Variants in PHF5A observed in about 807,000 individuals in gnomAD.
The protein encoded by PHF5A is PHD finger protein 5A.
For missense variants in PHF5A, 24 were observed against 140.6 expected (o/e 0.17, Z 4.19); for synonymous variants, 52 against 46.0 (o/e 1.13, Z -0.52).
In PHF5A at chr22:41,459,742, TTAATA is replaced by T. The variant is rs1342976246; in HGVS notation, c.*651_*655del. The T allele has an allele frequency of 6.6e-6, 1 of 151,994 alleles. No individual in the cohort carries two copies. The highest frequency in any genetic ancestry group is 1.5e-5 in the Non-Finnish European group (1 of 68,008). The allele number at this position is 151,994 out of a possible 1,614,324, so 9.4% of individuals were successfully genotyped here. On this transcript the variant is annotated 3_prime_UTR_variant, in exon 4 of 4. Coordinates refer to ENST00000216252, the MANE Select transcript of PHF5A (RefSeq NM_032758.4). ...TACCAGAAAATAAACACCAACTTTA[TTAATA>T]TAATAGCAACAGAAAGAGTTTCCAA...
At chr22:41,463,495 A>T (rs1212107058) in intron 3 of PHF5A, among the ~76,000 whole-genome samples, 2 of 151,906 alleles carry the variant, frequency 1.3e-5, no homozygotes, top group African/African-American at 4.8e-5. Context: ...TGGGAGGCCA[A>T]GGTGGGTGGA....
intron 1 of PHF5A, 29 bp from the exon 2 acceptor site, chr22:41,468,176 A>G: frequency 6.2e-7 from 1 of 1,613,092 alleles, no homozygotes; most frequent in Non-Finnish European, 8.5e-7. Context: ...TAAAAAGTAC[A>G]ATTAGAATAA....
At chr22:41,463,894 CAA>C (rs968281024) in intron 3 of PHF5A, among the ~76,000 whole-genome samples, 29 of 144,278 alleles carry the variant, frequency 2.0e-4, no homozygotes, top group Admixed American at 8.3e-4. Flanking sequence ...AACTGCGTCT[CAA>C]AAAAAAAAAG....
At chr22:41,460,948 G>A (rs1326922415) in intron 3 of PHF5A, among the ~76,000 whole-genome samples, 1 of 152,112 alleles carries the variant, frequency 6.6e-6, no homozygotes, top group Admixed American at 6.6e-5. Flanking sequence ...CGAGGCAGGT[G>A]GATCACCTGA....
intron 3 of PHF5A, among the ~76,000 whole-genome samples, chr22:41,461,793 G>C (rs1187422114): frequency 6.6e-6 from 1 of 152,104 alleles, no homozygotes; most frequent in Non-Finnish European, 1.5e-5. Context: ...CTCCCGAGTA[G>C]TGGGGAGTAC....
intron 1 of PHF5A, 160 bp downstream of exon 1, chr22:41,468,442 A>G (rs1407901100): frequency 1.4e-5 from 10 of 729,602 alleles, no homozygotes; most frequent in East Asian, 3.3e-5. Flanking sequence ...TCTTCTCATC[A>G]GAGGCCACAA....
chr22:41,461,809 C>A (rs1324079904), intron 3 of PHF5A, among the ~76,000 whole-genome samples: 5 of 152,032 alleles, frequency 3.3e-5, no homozygotes, highest in Non-Finnish European at 7.4e-5. Context: ...AGTACATGCA[C>A]CCGCGACCAT....
rs769301239 is a variant in PHF5A, at chr22:41,460,458, C to A, written c.273G>T (p.Leu91=). 4 of 1,600,262 alleles carry A rather than the reference C, an allele frequency of 2.5e-6. No individual in the cohort carries two copies. Residue 91 remains leucine, a synonymous_variant, in exon 4 of 4, where the codon CTG becomes CTT. Coordinates refer to ENST00000216252, the MANE Select transcript of PHF5A (RefSeq NM_032758.4). The stretch of plus-strand genomic sequence containing the variant: ...AGAAGAGGTCTGTCTTAGAGCTCCC[C>A]AGATTGACAATCTTTGGGCAGCCAT... ...DRDGCPKIVN[L]GSSKTDLFYE...
intron 3 of PHF5A, among the ~76,000 whole-genome samples, chr22:41,466,817 CCT>C (rs1912852458): frequency 1.3e-5 from 2 of 151,828 alleles, no homozygotes; most frequent in African/African-American, 2.4e-5. Flanking sequence ...AAAACAAGAC[CCT>C]GTCTCTACAA....
intron 3 of PHF5A, 23 bp downstream of exon 3, chr22:41,467,425 C>A (rs748960479): frequency 1.9e-6 from 3 of 1,611,158 alleles, no homozygotes; most frequent in Admixed American, 3.3e-5. Flanking sequence ...GAGGAAAGGT[C>A]AGATGGAAAG....
intron 3 of PHF5A, 110 bp downstream of exon 3, chr22:41,467,338 A>G: frequency 9.5e-7 from 1 of 1,054,432 alleles, no homozygotes; most frequent in Non-Finnish European, 1.4e-6. Flanking sequence ...ATTATAACCT[A>G]GATGACTAGA....
At chr22:41,461,616 C>T (rs1425589371) in intron 3 of PHF5A, among the ~76,000 whole-genome samples, 2 of 151,962 alleles carry the variant, frequency 1.3e-5, no homozygotes, top group Admixed American at 6.6e-5. Context: ...CCTCAGCCTC[C>T]CAAAGTGCTA....
At chr22:41,464,586 G>A (rs538478534) in intron 3 of PHF5A, among the ~76,000 whole-genome samples, 6 of 152,292 alleles carry the variant, frequency 3.9e-5, no homozygotes, top group Admixed American at 3.9e-4. Context: ...TGAGGCATGA[G>A]GATCCAAAGG....
chr22:41,467,372 C>A, intron 3 of PHF5A, 76 bp downstream of exon 3: 2 of 1,415,492 alleles, frequency 1.4e-6, no homozygotes, highest in Non-Finnish European at 2.0e-6. Flanking sequence ...CTCCATAGAC[C>A]ATAGGAGATT....
At chr22:41,467,754 C>G (rs968344934) in intron 2 of PHF5A, 140 bp from the exon 3 acceptor site, 1 of 1,033,180 alleles carries the variant, frequency 9.7e-7, no homozygotes, top group Admixed American at 2.7e-5. Flanking sequence ...CTTGGCATCA[C>G]AAAACTTGGT....
At chr22:41,461,168 CA>C (rs1202788592) in intron 3 of PHF5A, among the ~76,000 whole-genome samples, 1 of 151,870 alleles carries the variant, frequency 6.6e-6, no homozygotes, top group Non-Finnish European at 1.5e-5. Flanking sequence ...AGAGAAACTC[CA>C]TCTCAAAAAA....
chr22:41,468,253 G>A, intron 1 of PHF5A, 106 bp from the exon 2 acceptor site: 3 of 1,037,562 alleles, frequency 2.9e-6, no homozygotes, highest in Non-Finnish European at 4.4e-6. Context: ...GGACTGCAGT[G>A]AGTGAGACCT....
At chr22:41,462,294 G>A (rs183677666) in intron 3 of PHF5A, among the ~76,000 whole-genome samples, 73 of 152,288 alleles carry the variant, frequency 4.8e-4, no homozygotes, top group Non-Finnish European at 4.4e-4. Context: ...TGAGTCCTGT[G>A]ATATTAGGTG....
At chr22:41,461,393 CT>C (rs11445364) in intron 3 of PHF5A, among the ~76,000 whole-genome samples, 25 of 145,766 alleles carry the variant, frequency 1.7e-4, no homozygotes, top group South Asian at 2.2e-4. Flanking sequence ...CTATGAAACT[CT>C]TTTTTTTTTT....
Sources: allele counts gnomAD v4.1 joint callset (sites outside exome capture counted in the v4.1 genomes callset), GRCh38; gene constraint gnomAD v4.1.1; transcripts MANE v1.5; gene names NCBI Gene and HGNC (gene_info 2026-07-23, HGNC 2026-07-21).